Variants in GPC5 observed in about 807,000 individuals in gnomAD.
The protein encoded by GPC5 is glypican 5.
A neutral mutation model predicts 53.9 loss-of-function variants in GPC5; 47 were observed. That is an observed-to-expected ratio of 0.87 (90% confidence interval 0.69 to 1.11). The LOEUF (loss-of-function observed/expected upper bound fraction) is 1.11. Among genes scored for constraint, GPC5 ranks in the 50% most tolerant of loss-of-function variants. The probability of loss-of-function intolerance (pLI) is 0.00; values close to 1 mark genes in which losing one functional copy is unlikely to be tolerated. For synonymous variants in GPC5, 286 were observed against 263.3 expected (o/e 1.09, Z -0.84); for missense variants, 748 against 713.1 (o/e 1.05, Z -0.56).
At chr13:91,769,479 G>A (rs529978704) in intron 5 of GPC5, among the ~76,000 whole-genome samples, 1 of 152,262 alleles carries the variant, frequency 6.6e-6, no homozygotes, top group South Asian at 2.1e-4. Flanking sequence ...TGGGTTAAGG[G>A]CATGTTAGAT....
chr13:91,741,247 G>T (rs1262544410), intron 4 of GPC5, among the ~76,000 whole-genome samples: 2 of 152,018 alleles, frequency 1.3e-5, no homozygotes, highest in Non-Finnish European at 2.9e-5. Context: ...GAACTTAATT[G>T]AAATATTATA....
At chr13:92,028,154 T>G (rs2138801631) in intron 6 of GPC5, among the ~76,000 whole-genome samples, 1 of 152,286 alleles carries the variant, frequency 6.6e-6, no homozygotes, top group Non-Finnish European at 1.5e-5. Context: ...CCGAACATTA[T>G]ATGATGATTA....
At chr13:92,250,842 T>C (rs148626169) in intron 7 of GPC5, among the ~76,000 whole-genome samples, 1 of 152,194 alleles carries the variant, frequency 6.6e-6, no homozygotes, top group African/African-American at 2.4e-5. Context: ...AGAAGCTTTA[T>C]GATGGCATAT....
At chr13:92,774,224 C>T (rs1350268025) in intron 7 of GPC5, among the ~76,000 whole-genome samples, 1 of 152,184 alleles carries the variant, frequency 6.6e-6, no homozygotes, top group Non-Finnish European at 1.5e-5. Flanking sequence ...TTTTTCCAGC[C>T]ATATCTTCTC....
intron 7 of GPC5, among the ~76,000 whole-genome samples, chr13:92,216,363 G>A (rs1594005815): frequency 1.3e-5 from 2 of 152,112 alleles, no homozygotes; most frequent in South Asian, 2.1e-4. Flanking sequence ...AACAACAACA[G>A]CCAAGAGACA....
intron 6 of GPC5, among the ~76,000 whole-genome samples, chr13:92,033,594 A>T (rs928457796): frequency 1.3e-5 from 2 of 152,234 alleles, no homozygotes; most frequent in Non-Finnish European, 2.9e-5. Flanking sequence ...GGCAATATTT[A>T]TATCTTTTAA....
rs549005326 is a variant in GPC5, at chr13:92,517,311, C to T, written c.1562-348971C>T. 3.0e-4 allele frequency among the ~76,000 whole-genome samples: 45 copies of T among 152,256 alleles called. No individual in the cohort carries two copies. The South Asian group carries it at 4.4e-3, about 15-fold the overall frequency. ...TCTGAATCTCTGCAGACTTAAATGTCCCTGTCTGACAGCTTTGAAGAGAGT... is the reference window on the plus strand; with the variant it reads ...TCTGAATCTCTGCAGACTTAAATGTTCCTGTCTGACAGCTTTGAAGAGAGT... On this transcript the variant is annotated intron_variant, in intron 7 of 7. Coordinates refer to ENST00000377067, the MANE Select transcript of GPC5 (RefSeq NM_004466.6).
intron 7 of GPC5, chr13:92,484,569 T>C (rs1879483360): frequency 6.6e-6 from 1 of 152,180 alleles, no homozygotes; most frequent in African/African-American, 2.4e-5. Context: ...ACAATGGCTA[T>C]ATCACCAGGC....
intron 5 of GPC5, among the ~76,000 whole-genome samples, chr13:91,905,281 C>T (rs2039541280): frequency 6.6e-6 from 1 of 151,732 alleles, no homozygotes; most frequent in Non-Finnish European, 1.5e-5. Flanking sequence ...GAGATGGTTA[C>T]TCTCTTTCTC....
chr13:92,293,759 G>A (rs2043014562), intron 7 of GPC5, among the ~76,000 whole-genome samples: 1 of 152,108 alleles, frequency 6.6e-6, no homozygotes, highest in African/African-American at 2.4e-5. Flanking sequence ...GGGCATCCTT[G>A]TCTTGTTCCA....
At chr13:92,614,214 C>T (rs762395094) in intron 7 of GPC5, among the ~76,000 whole-genome samples, 3 of 151,994 alleles carry the variant, frequency 2.0e-5, no homozygotes, top group Non-Finnish European at 4.4e-5. Context: ...ATGTAAATGA[C>T]CATATCTTAA....
chr13:91,997,791 A>G (rs1244383605), intron 6 of GPC5, among the ~76,000 whole-genome samples: 1 of 152,208 alleles, frequency 6.6e-6, no homozygotes, highest in Non-Finnish European at 1.5e-5. Flanking sequence ...AAGTGCTGGG[A>G]TTACAGGCGT....
chr13:92,284,476 A>G (rs1019121575), intron 7 of GPC5, among the ~76,000 whole-genome samples: 1 of 152,178 alleles, frequency 6.6e-6, no homozygotes, highest in Non-Finnish European at 1.5e-5. Flanking sequence ...GATGAACATC[A>G]ATGCAAAAAT....
intron 5 of GPC5, among the ~76,000 whole-genome samples, chr13:91,795,162 CA>C (rs1224482833): frequency 2.0e-5 from 3 of 152,082 alleles, no homozygotes; most frequent in Non-Finnish European, 2.9e-5. Context: ...TTTATGATCA[CA>C]AAACAATGAA....
At chr13:92,342,421 G>A (rs2043374825) in intron 7 of GPC5, among the ~76,000 whole-genome samples, 1 of 152,076 alleles carries the variant, frequency 6.6e-6, no homozygotes. Flanking sequence ...CATTAAGAAT[G>A]TGGGGTCTTT....
intron 7 of GPC5, among the ~76,000 whole-genome samples, chr13:92,315,655 A>G (rs1472147413): frequency 6.6e-6 from 1 of 152,216 alleles, no homozygotes. Flanking sequence ...TTTTCTTATA[A>G]AAATGTAAAC....
At chr13:92,459,283 G>T (rs151102199) in intron 7 of GPC5, among the ~76,000 whole-genome samples, 2 of 152,276 alleles carry the variant, frequency 1.3e-5, no homozygotes, top group African/African-American at 2.4e-5. Flanking sequence ...TGGTAGGCAA[G>T]CTATGAGTTA....
chr13:92,463,353 C>T (rs1416454731), intron 7 of GPC5, among the ~76,000 whole-genome samples: 1 of 152,220 alleles, frequency 6.6e-6, no homozygotes, highest in Non-Finnish European at 1.5e-5. Flanking sequence ...ACTGCCTGAT[C>T]TGTCACCGTC....
chr13:92,679,324 T>C (rs1887044761), intron 7 of GPC5, among the ~76,000 whole-genome samples: 1 of 152,256 alleles, frequency 6.6e-6, no homozygotes. Flanking sequence ...TAGGATGCTT[T>C]ATTTTATTGT....
Sources: allele counts gnomAD v4.1 joint callset (sites outside exome capture counted in the v4.1 genomes callset), GRCh38; gene constraint gnomAD v4.1.1; transcripts MANE v1.5; gene names NCBI Gene and HGNC (gene_info 2026-07-23, HGNC 2026-07-21).